The following SH3GL3 variants were observed in gnomAD, a reference collection of about 807,000 sequenced individuals.
SH3GL3 encodes the protein SH3 domain containing GRB2 like 3, endophilin A3.
Under a neutral mutation model 47.7 loss-of-function variants are expected in SH3GL3, and 33 were observed. That is an observed-to-expected ratio of 0.69 (90% CI 0.52 to 0.92). The LOEUF (loss-of-function observed/expected upper bound fraction) is 0.92, where lower values mean the gene tolerates loss of function less well. Among genes scored for constraint, SH3GL3 ranks in the 40% least tolerant of loss-of-function variants. SH3GL3 has a pLI of 0.00. For synonymous variants in SH3GL3, 155 were observed against 148.8 expected (o/e 1.04, Z -0.30); for missense variants, 363 against 417.8 (o/e 0.87, Z 1.14).
At chr15:83,588,516 C>G in intron 7 of SH3GL3, 146 bp from the exon 8 acceptor site, 1 of 607,426 alleles carries the variant, frequency 1.6e-6, no homozygotes, top group Non-Finnish European at 3.0e-6. Flanking sequence ...TCACTTCGGG[C>G]TACTCAAGAG....
At chr15:83,613,144 TC>T (rs1302730838) in intron 8 of SH3GL3, among the ~76,000 whole-genome samples, 2 of 152,208 alleles carry the variant, frequency 1.3e-5, no homozygotes, top group Admixed American at 6.5e-5. Flanking sequence ...GGGCAGCCAG[TC>T]TGAGCTCTGG....
intron 1 of SH3GL3, among the ~76,000 whole-genome samples, chr15:83,543,109 T>C (rs2044242138): frequency 6.6e-6 from 1 of 152,156 alleles, no homozygotes; most frequent in Non-Finnish European, 1.5e-5. Context: ...ATACCAGCTG[T>C]GGGTCTGTTG....
At chr15:83,514,395 GGA>G (rs147429222) in intron 1 of SH3GL3, among the ~76,000 whole-genome samples, 6 of 151,124 alleles carry the variant, frequency 4.0e-5, no homozygotes, top group Non-Finnish European at 4.4e-5. Flanking sequence ...TTTAGTGGAG[GGA>G]GAGAGAGAGA....
At chr15:83,565,503 T>C (rs2045491426) in intron 3 of SH3GL3, 3 of 273,414 alleles carry the variant, frequency 1.1e-5, no homozygotes, top group Non-Finnish European at 1.4e-5. Flanking sequence ...CCACTAAACA[T>C]TTGGCAAATA....
chr15:83,548,982 A>G (rs1047730678), intron 1 of SH3GL3, among the ~76,000 whole-genome samples: 1 of 151,810 alleles, frequency 6.6e-6, no homozygotes, highest in African/African-American at 2.4e-5. Context: ...TTTATGTTTC[A>G]ATTTAGATAC....
chr15:83,530,600 C>G (rs1193596659), intron 1 of SH3GL3, among the ~76,000 whole-genome samples: 1 of 151,606 alleles, frequency 6.6e-6, no homozygotes, highest in Non-Finnish European at 1.5e-5. Flanking sequence ...CTCCCCGGCC[C>G]CTCCTCAGGT....
At chr15:83,548,133 A>T (rs2044494758) in intron 1 of SH3GL3, among the ~76,000 whole-genome samples, 1 of 151,676 alleles carries the variant, frequency 6.6e-6, no homozygotes, top group Non-Finnish European at 1.5e-5. Flanking sequence ...ATACAACAAG[A>T]GTCTCACTTA....
rs549415762 is a variant in SH3GL3, at chr15:83,474,402, A to G, written c.45+26824A>G. On this transcript the variant is annotated intron_variant, in intron 1 of 8. Coordinates refer to ENST00000427482, the MANE Select transcript of SH3GL3 (RefSeq NM_003027.5). ...AGGATGCTAAAAATCCAGATTTTAT[A>G]TGAAATGTCCTACTTTTGAAATATT... Among the ~76,000 whole-genome samples the G allele has an allele frequency of 1.1e-4, 17 of 152,312 alleles. No individual in the cohort carries two copies. In the South Asian group the frequency reaches 3.1e-3, roughly 28 times the overall value.
chr15:83,581,177 A>G (rs1312317364), intron 6 of SH3GL3, among the ~76,000 whole-genome samples: 2 of 152,224 alleles, frequency 1.3e-5, no homozygotes, highest in East Asian at 3.9e-4. Context: ...GACTGATGTG[A>G]GGAGAACCCT....
intron 2 of SH3GL3, among the ~76,000 whole-genome samples, chr15:83,564,611 C>T (rs2045447931): frequency 6.6e-6 from 1 of 152,126 alleles, no homozygotes; most frequent in Non-Finnish European, 1.5e-5. Flanking sequence ...TTGGGGAAAA[C>T]TTTGATGTTA....
At chr15:83,588,600 G>T (rs1485214781) in intron 7 of SH3GL3, 62 bp from the exon 8 acceptor site, 10 of 1,021,506 alleles carry the variant, frequency 9.8e-6, no homozygotes, top group East Asian at 2.4e-5. Flanking sequence ...AGGCAGAGAG[G>T]ATGTGTGTTT....
chr15:83,458,914 T>G (rs1308818515), intron 1 of SH3GL3, among the ~76,000 whole-genome samples: 1 of 152,204 alleles, frequency 6.6e-6, no homozygotes, highest in Admixed American at 6.5e-5. Context: ...GAGTATTGAC[T>G]CACACGATCA....
chr15:83,616,991 T>A (rs1321138445), intron 8 of SH3GL3, among the ~76,000 whole-genome samples: 2 of 152,184 alleles, frequency 1.3e-5, no homozygotes, highest in East Asian at 3.9e-4. Flanking sequence ...GAAGAATCTT[T>A]TATGAAAACA....
chr15:83,472,708 G>A lies in SH3GL3; in HGVS notation c.45+25130G>A, dbSNP rs528776982. ...ATCTTGGTGTTGGCATCTACTGATT[G>A]TCTTTTCTCATTCAACTAGAAATCT... On this transcript the variant is annotated intron_variant, in intron 1 of 8. Coordinates refer to ENST00000427482, the MANE Select transcript of SH3GL3 (RefSeq NM_003027.5). 3.3e-5 allele frequency among the ~76,000 whole-genome samples: 5 copies of A among 152,196 alleles called. No homozygotes were observed. In the South Asian group the frequency reaches 1.0e-3, roughly 32 times the overall value.
At chr15:83,536,557 C>G (rs1270998771) in intron 1 of SH3GL3, among the ~76,000 whole-genome samples, 1 of 151,910 alleles carries the variant, frequency 6.6e-6, no homozygotes, top group Non-Finnish European at 1.5e-5. Context: ...GATGTGCCAC[C>G]ATGCCCGGCT....
intron 8 of SH3GL3, among the ~76,000 whole-genome samples, chr15:83,601,963 C>A (rs1252051548): frequency 9.2e-4 from 130 of 141,298 alleles, no homozygotes; most frequent in African/African-American, 2.1e-3. Flanking sequence ...AAAAAAAAAA[C>A]AAAACATAAA....
At chr15:83,481,500 C>T (rs1209553208) in intron 1 of SH3GL3, among the ~76,000 whole-genome samples, 2 of 152,124 alleles carry the variant, frequency 1.3e-5, no homozygotes, top group East Asian at 3.9e-4. Context: ...GTTTGGTTCT[C>T]CTCAGAAATG....
the SH3GL3 span, among the ~76,000 whole-genome samples, chr15:83,624,638 A>G: frequency 2.6e-5 from 4 of 152,220 alleles, no homozygotes; most frequent in African/African-American, 9.6e-5. Flanking sequence ...GGCCTTTGAC[A>G]TAAAGATTCC....
At chr15:83,489,692 C>G (rs915092401) in intron 1 of SH3GL3, among the ~76,000 whole-genome samples, 1 of 152,154 alleles carries the variant, frequency 6.6e-6, no homozygotes, top group Non-Finnish European at 1.5e-5. Context: ...GCCTCTATCT[C>G]TATTTAAAAG....
Sources: allele counts gnomAD v4.1 joint callset (sites outside exome capture counted in the v4.1 genomes callset), GRCh38; gene constraint gnomAD v4.1.1; transcripts MANE v1.5; gene names NCBI Gene and HGNC (gene_info 2026-07-23, HGNC 2026-07-21).